IL4R: variants seen among roughly 807,000 people sequenced by gnomAD.
IL4R encodes interleukin-4 receptor subunit alpha.
IL4R carries 17 observed loss-of-function variants against 41.5 expected under a neutral mutation model. That is an observed-to-expected ratio of 0.41 (90% confidence interval 0.28 to 0.61). IL4R has a LOEUF of 0.61. Ranked by LOEUF, IL4R falls within the 20% of genes least tolerant of loss-of-function variation. The pLI is 0.31. For missense variants in IL4R, 974 were observed against 1,043.1 expected (o/e 0.93, Z 0.91); for synonymous variants, 402 against 422.9 (o/e 0.95, Z 0.61).
intron 10 of IL4R, 57 bp from the exon 11 acceptor site, chr16:27,362,195 T>G (rs992582726): frequency 3.2e-6 from 5 of 1,559,842 alleles, no homozygotes; most frequent in Admixed American, 1.8e-5. Context: ...CTTTGAAGAA[T>G]GAATAGGAGT....
intron 6 of IL4R, among the ~76,000 whole-genome samples, chr16:27,346,886 G>C (rs1436879900): frequency 1.3e-5 from 2 of 152,244 alleles, no homozygotes; most frequent in African/African-American, 4.8e-5. Flanking sequence ...GGCCACATCT[G>C]TGTTTCCCAG....
chr16:27,350,838 C>T (rs2085842176), intron 6 of IL4R, among the ~76,000 whole-genome samples: 1 of 152,270 alleles, frequency 6.6e-6, no homozygotes, highest in East Asian at 1.9e-4. Context: ...CTGTCTCTTG[C>T]CAGAAGGGAA....
At chr16:27,315,814 A>AC (rs1275514542) in intron 1 of IL4R, among the ~76,000 whole-genome samples, 3 of 152,124 alleles carry the variant, frequency 2.0e-5, no homozygotes, top group African/African-American at 7.2e-5. Context: ...CCTGGGCCCC[A>AC]CCCTGGGCCT....
chr16:27,340,090 A>G (rs2085391906), intron 2 of IL4R, 96 bp from the exon 3 acceptor site: 1 of 765,192 alleles, frequency 1.3e-6, no homozygotes, highest in South Asian at 1.6e-5. Flanking sequence ...CAAACAAACA[A>G]ATAAATGGCC....
intron 1 of IL4R, among the ~76,000 whole-genome samples, chr16:27,321,273 C>A (rs1462840730): frequency 1.3e-5 from 2 of 152,136 alleles, no homozygotes; most frequent in Non-Finnish European, 2.9e-5. Flanking sequence ...CTTCCACTTT[C>A]TGAGTCTGTT....
chr16:27,316,394 T>C (rs1247130703), intron 1 of IL4R, among the ~76,000 whole-genome samples: 3 of 152,050 alleles, frequency 2.0e-5, no homozygotes, highest in Non-Finnish European at 4.4e-5. Flanking sequence ...CATAAATACA[T>C]GAGAAGAGAG....
rs2086415239 is a variant in IL4R at position 27,364,074 on chromosome 16, C to CCA, written c.*246_*247dup. 1 of 481,278 alleles carries CCA rather than the reference C, an allele frequency of 2.1e-6. No homozygotes were observed. The highest frequency in any genetic ancestry group is 3.7e-6 in the Non-Finnish European group (1 of 273,224). The allele number at this position is 481,278 out of a possible 1,614,324, so 29.8% of individuals were successfully genotyped here. On this transcript the variant is annotated 3_prime_UTR_variant, in exon 11 of 11. Transcript: ENST00000395762. ...GTAGAGGGCACTGGGTCGCCGTGCCCCACGGCAGGCCCCTGCAGGAAAACT... is the reference window on the plus strand; with the variant it reads ...GTAGAGGGCACTGGGTCGCCGTGCCCCACACGGCAGGCCCCTGCAGGAAAACT...
At chr16:27,340,017 A>G (rs2057767) in intron 2 of IL4R, among the ~76,000 whole-genome samples, 169 bp from the exon 3 acceptor site, 68,291 of 151,990 alleles carry the variant, frequency 0.45, 15,428 homozygotes, top group East Asian at 0.51. Flanking sequence ...AGATTGCACC[A>G]CTGCACTCCA....
chr16:27,359,250 G>C (rs2086199310), intron 9 of IL4R, among the ~76,000 whole-genome samples: 1 of 152,204 alleles, frequency 6.6e-6, no homozygotes. Context: ...CTCCCCTTGG[G>C]AGAATGACCC....
chr16:27,333,375 T>C (rs758381320), intron 2 of IL4R, among the ~76,000 whole-genome samples: 4 of 152,018 alleles, frequency 2.6e-5, no homozygotes, highest in Non-Finnish European at 5.9e-5. Context: ...TATTTCATCT[T>C]ATTGGGTTCA....
chr16:27,346,613 G>A lies in IL4R; in HGVS notation c.508G>A (p.Ala170Thr), dbSNP rs773125962. 2 of 1,614,012 alleles carry A rather than the reference G, an allele frequency of 1.2e-6. No individual in the cohort carries two copies. The highest frequency in any genetic ancestry group is 2.2e-5 in the South Asian group (2 of 91,082). The change falls in exon 6 of 11, where the codon GCA (alanine) becomes ACA (threonine). Residue 170 changes from alanine to threonine, a missense_variant. Ala to Thr is a moderately conservative substitution (Grantham distance 58). This residue lies in a region of IL4R where 284 missense variants were observed against 313.4 expected (regional missense o/e 0.91). Transcript: ENST00000395762. The part of the protein sequence containing the change: ...AVNIWSENDP[A>T]DFRIYNVTYL... ...CAACATTTGGAGTGAAAACGACCCG[G>A]CAGATGTGAGTGGGCATGCTTTGAC...
At chr16:27,316,430 C>G (rs961447302) in intron 1 of IL4R, among the ~76,000 whole-genome samples, 1 of 152,204 alleles carries the variant, frequency 6.6e-6, no homozygotes, top group Non-Finnish European at 1.5e-5. Context: ...CCCCATCTCC[C>G]TGCCCTCTTC....
chr16:27,333,424 T>C (rs2085167486), intron 2 of IL4R, among the ~76,000 whole-genome samples: 1 of 152,102 alleles, frequency 6.6e-6, no homozygotes, highest in Non-Finnish European at 1.5e-5. Context: ...GGAACTGGTA[T>C]ACTGGAATCC....
At chr16:27,337,845 C>T (rs1247427377) in intron 2 of IL4R, among the ~76,000 whole-genome samples, 1 of 151,908 alleles carries the variant, frequency 6.6e-6, no homozygotes, top group Non-Finnish European at 1.5e-5. Context: ...AGCCACCACG[C>T]CCGGCCCCAG....
intron 7 of IL4R, chr16:27,354,975 T>C (rs3024632): frequency 0.078 from 36,025 of 462,704 alleles, 1,587 homozygotes; most frequent in African/African-American, 0.12. Flanking sequence ...AACTAGCTTG[T>C]ATGAAACAGA....
Position 27,330,146 on chromosome 16 carries a change from T to G in IL4R, c.-71T>G, listed in dbSNP as rs1306853463. ...GCTCATGCCTATAATCCCAGCACTT[T>G]TGGAGGCTGAGGCGGGCAGATCACT... On this transcript the variant is annotated 5_prime_UTR_variant, in exon 2 of 11. Transcript: ENST00000395762. 1 of 151,958 alleles carries G rather than the reference T, an allele frequency of 6.6e-6. No individual in the cohort carries two copies. The highest frequency in any genetic ancestry group is 1.5e-5 in the Non-Finnish European group (1 of 67,960). The allele number at this position is 151,958 out of a possible 1,614,324, so 9.4% of individuals were successfully genotyped here.
At chr16:27,326,915 C>T (rs1426738533) in intron 1 of IL4R, among the ~76,000 whole-genome samples, 3 of 152,152 alleles carry the variant, frequency 2.0e-5, no homozygotes, top group African/African-American at 4.8e-5. Flanking sequence ...GTGGGGCCAC[C>T]GACGTGGCTG....
Position 27,363,585 on chromosome 16 carries a change from G to A in IL4R, c.2233G>A (p.Gly745Ser), listed in dbSNP as rs1384889700. The A allele has an allele frequency of 6.2e-7, 1 of 1,613,970 alleles. No homozygotes were observed. The highest frequency in any genetic ancestry group is 1.3e-5 in the African/African-American group (1 of 74,914). ...QTPVMASPCC[G>S]CCCGDRSSPP... Reference sequence around the variant, plus strand: ...CCCTGTCATGGCCAGTCCTTGCTGTGGCTGCTGCTGTGGAGACAGGTCCTC... The same window carrying A: ...CCCTGTCATGGCCAGTCCTTGCTGTAGCTGCTGCTGTGGAGACAGGTCCTC... Residue 745 changes from glycine to serine, a missense_variant, in exon 11 of 11, where the codon GGC becomes AGC. By Grantham distance (56) the Gly-to-Ser change is moderately conservative. Around this residue, in one of 3 missense-constraint regions of IL4R, gnomAD observed 682 missense variants for 704.3 expected, o/e 0.97. Transcript: ENST00000395762.
At chr16:27,329,871 A>AG (rs2085065609) in intron 1 of IL4R, among the ~76,000 whole-genome samples, 195 bp from the exon 2 acceptor site, 1 of 137,202 alleles carries the variant, frequency 7.3e-6, no homozygotes, top group Admixed American at 8.1e-5. Context: ...GCATTAGTTG[A>AG]GGGGGGTCAG....
Sources: allele counts gnomAD v4.1 joint callset (sites outside exome capture counted in the v4.1 genomes callset), GRCh38; gene constraint gnomAD v4.1.1; regional missense constraint gnomAD v4.1.1; transcripts MANE v1.5; gene names NCBI Gene and HGNC (gene_info 2026-07-23, HGNC 2026-07-21).